Variants in SLC25A6 observed in about 807,000 individuals in gnomAD.
The protein encoded by SLC25A6 is solute carrier family 25 member 6.
A neutral mutation model predicts 25.7 loss-of-function variants in SLC25A6; 9 were observed. The observed-to-expected ratio is 0.35, with a 90% CI of 0.21 to 0.61. The LOEUF (loss-of-function observed/expected upper bound fraction) is 0.61. Among genes scored for constraint, SLC25A6 ranks in the 20% least tolerant of loss-of-function variants. The pLI is 0.76. For synonymous variants in SLC25A6, 223 were observed against 197.0 expected, an observed-to-expected ratio of 1.13 and a Z score of -1.11; for missense variants, 404 against 440.5, an observed-to-expected ratio of 0.92 and a Z score of 0.74.
chrX:1,389,772 C>T, intron 1 of SLC25A6, 45 bp from the exon 2 acceptor site: 1 of 1,594,958 alleles, frequency 6.3e-7, no homozygotes, highest in East Asian at 2.2e-5. Context: ...GGGCCAACCA[C>T]CCAGAAACAT....
Position 1,386,610 on chromosome X carries a change from C to A in SLC25A6, c.889G>T (p.Val297Leu), listed in dbSNP as rs1253604934. The change falls in exon 4 of 4, where the codon GTG becomes TTG. Residue 297 changes from valine to leucine, a missense_variant. Transcript: ENST00000381401. Reference sequence around the variant, plus strand: ...GGAGGAGGCCGCGGCCCTTAGATCACCTTCTTGAGCTCGTCGTACAGGACC... The same window carrying A: ...GGAGGAGGCCGCGGCCCTTAGATCAACTTCTTGAGCTCGTCGTACAGGACC... Reference protein sequence around the residue: ...VLVLYDELKKVI With the variant: ...VLVLYDELKKLI The A allele has an allele frequency of 6.4e-7, 1 of 1,572,144 alleles. No individual in the cohort carries two copies.
rs1158965892 is a variant in SLC25A6, at chrX:1,387,336, A to G, written c.682T>C (p.Ser228Pro). ...QTVTAVAGVV[S>P]YPFDTVRRRM... ...CGCCGCACCGTGTCGAAGGGGTAGG[A>G]CACCACGCCGGCCACGGCCGTCACG... The change falls in exon 3 of 4, where the codon TCC becomes CCC. Residue 228 changes from serine (S) to proline (P), a missense_variant. Physicochemically the swap from Ser to Pro is moderately conservative, Grantham distance 74 (BLOSUM62 -1). Transcript: ENST00000381401. 6.2e-7 allele frequency: 1 copy of G among 1,613,298 alleles called. No individual in the cohort carries two copies. Among genetic ancestry groups the G allele is most frequent in the East Asian group, 2.2e-5 (1 of 44,862 alleles).
Position 1,391,858 on chromosome X carries a change from C to T in SLC25A6, c.111+41G>A, listed in dbSNP as rs746330111. 7.3e-6 allele frequency: 11 copies of T among 1,496,632 alleles called. No individual in the cohort carries two copies. In the East Asian group the frequency reaches 2.2e-4, roughly 29 times the overall value. 92.7% of individuals were successfully genotyped at this position (1,496,632 alleles called of 1,614,324 possible). On this transcript the variant is annotated intron_variant, in intron 1 of 3. Transcript: ENST00000381401. The stretch of plus-strand genomic sequence containing the variant: ...CCCGCCCGACCCGGCCACTCGGTTC[C>T]CGTCCCCTAGTCCCCGGAGCGGCCG...
intron 1 of SLC25A6, among the ~76,000 whole-genome samples, chrX:1,391,605 G>A (rs1349269539): frequency 6.6e-6 from 1 of 152,230 alleles, no homozygotes; most frequent in Admixed American, 6.5e-5. Flanking sequence ...TCAAGGTCAA[G>A]GCCCGCCAGC....
intron 2 of SLC25A6, 102 bp downstream of exon 2, chrX:1,389,139 C>T: frequency 2.2e-6 from 3 of 1,343,800 alleles, no homozygotes; most frequent in South Asian, 1.4e-5. Flanking sequence ...GAGGAACCAG[C>T]CCTGCCCACA....
At position 1,386,467 on chromosome X, in the gene SLC25A6, C is replaced by T; in HGVS notation, c.*135G>A. The T allele has an allele frequency of 8.4e-7, 1 of 1,185,614 alleles. No homozygotes were observed. Among genetic ancestry groups the T allele is most frequent in the South Asian group, 2.1e-5 (1 of 48,502 alleles). 73.4% of individuals were successfully genotyped at this position (1,185,614 alleles called of 1,614,324 possible). A position where few individuals can be genotyped will look rare whatever the true frequency, so the allele number is the denominator to read the frequency against. ...CCCCTTTTCTAGAGCCTTCCCCGGC[C>T]ATCTACAGGCAGGATGCGGCTGGGA... On this transcript the variant is annotated 3_prime_UTR_variant, in exon 4 of 4. Transcript: ENST00000381401.
chrX:1,389,835 G>T (rs1408431169), intron 1 of SLC25A6, 108 bp from the exon 2 acceptor site: 3 of 1,529,294 alleles, frequency 2.0e-6, no homozygotes, highest in Non-Finnish European at 1.8e-6. Context: ...TGTTGCCCAA[G>T]CTGGAGTGCA....
At chrX:1,391,862 C>T (rs772555670) in intron 1 of SLC25A6, 37 bp downstream of exon 1, 20 of 1,505,082 alleles carry the variant, frequency 1.3e-5, no homozygotes, top group Non-Finnish European at 1.6e-5. Context: ...CGGTTCCCGT[C>T]CCCTAGTCCC....
At position 1,387,364 on chromosome X, in the gene SLC25A6, C is replaced by T. The variant is rs756938301; in HGVS notation, c.654G>A (p.Gln218=). The T allele has an allele frequency of 1.2e-6, 2 of 1,613,372 alleles. No homozygotes were observed. Among genetic ancestry groups the T allele is most frequent in the Admixed American group, 3.3e-5 (2 of 60,004 alleles). ...THIVVSWMIA[Q]TVTAVAGVVS... is the part of the protein sequence containing the mutation. Reference sequence around the variant, plus strand: ...CCACGCCGGCCACGGCCGTCACGGTCTGCGCGATCATCCAGCTCACCACGA... The same window carrying T: ...CCACGCCGGCCACGGCCGTCACGGTTTGCGCGATCATCCAGCTCACCACGA... The change falls in exon 3 of 4, where the codon CAG becomes CAA. Residue 218 remains glutamine, a synonymous_variant. Transcript: ENST00000381401.
Position 1,386,429 on chromosome X carries a change from G to C in SLC25A6, c.*173C>G, listed in dbSNP as rs1451145813. On this transcript the variant is annotated 3_prime_UTR_variant, in exon 4 of 4. Transcript: ENST00000381401. ...GACACGGAATCGGCTGCCGATGGTT[G>C]GATCGCAATGCGCCCCTTTTCTAGA... 1 of 828,454 alleles carries C rather than the reference G, an allele frequency of 1.2e-6. No homozygotes were observed. The highest frequency in any genetic ancestry group is 1.7e-6 in the Non-Finnish European group (1 of 573,550). The allele number at this position is 828,454 out of a possible 1,614,324, so 51.3% of individuals were successfully genotyped here.
At chrX:1,390,694 T>C (rs1468620132) in intron 1 of SLC25A6, among the ~76,000 whole-genome samples, 1 of 151,416 alleles carries the variant, frequency 6.6e-6, no homozygotes, top group Non-Finnish European at 1.5e-5. Flanking sequence ...CTGCTAAGTT[T>C]AAAAAATTTT....
chrX:1,392,019 G>A lies in SLC25A6; in HGVS notation c.-10C>T. 6.3e-7 allele frequency: 1 copy of A among 1,594,440 alleles called. No individual in the cohort carries two copies. ...TGGCCTGTTCCGTCATGGTGGCAGGGCGGGCAGCGGAACGGGAGGACAGCC... is the reference window on the plus strand; with the variant it reads ...TGGCCTGTTCCGTCATGGTGGCAGGACGGGCAGCGGAACGGGAGGACAGCC... On this transcript the variant is annotated 5_prime_UTR_variant, in exon 1 of 4. Transcript: ENST00000381401.
rs1228212984 is a variant in SLC25A6, at chrX:1,391,748, G to C, written c.111+151C>G. 17 of 595,932 alleles carry C rather than the reference G, an allele frequency of 2.9e-5. No individual in the cohort carries two copies. In the Admixed American group the frequency reaches 4.8e-4, roughly 17 times the overall value. The allele number at this position is 595,932 out of a possible 1,614,324, so 36.9% of individuals were successfully genotyped here. A position where few individuals can be genotyped will look rare whatever the true frequency, so the allele number is the denominator to read the frequency against. On this transcript the variant is annotated intron_variant, in intron 1 of 3. Coordinates refer to ENST00000381401, the MANE Select transcript of SLC25A6 (RefSeq NM_001636.4). ...CCTGCAGCAGCGGTCACGTGACGCG[G>C]CCCCCGGAAGCCGGCGGCGCGTGGA...
intron 2 of SLC25A6, among the ~76,000 whole-genome samples, chrX:1,388,380 G>A (rs1216994903): frequency 3.3e-5 from 5 of 151,398 alleles, no homozygotes; most frequent in African/African-American, 9.7e-5. Context: ...CACACACAGA[G>A]GGACGACCCT....
At chrX:1,387,019 G>T (rs1430924092) in intron 3 of SLC25A6, among the ~76,000 whole-genome samples, 3 of 152,120 alleles carry the variant, frequency 2.0e-5, no homozygotes, top group Non-Finnish European at 2.9e-5. Flanking sequence ...AGAGAAGGCA[G>T]GATCGAGGGT....
intron 1 of SLC25A6, 115 bp downstream of exon 1, chrX:1,391,784 G>T: frequency 1.4e-6 from 1 of 730,268 alleles, no homozygotes; most frequent in Non-Finnish European, 2.2e-6. Flanking sequence ...CAAAGCGATC[G>T]CGGCCTTCCA....
At position 1,387,480 on chromosome X, in the gene SLC25A6, G is replaced by A. The variant is rs768118251; in HGVS notation, c.599-61C>T. 93 of 1,595,564 alleles carry A rather than the reference G, an allele frequency of 5.8e-5. No homozygotes were observed. In the South Asian group the frequency reaches 9.1e-4, roughly 16 times the overall value. ...TGCACGGCCACCCGAGACCAGGGTCGGCCCCCAGGGTGTGCTCACGGCCCC... is the reference window on the plus strand; with the variant it reads ...TGCACGGCCACCCGAGACCAGGGTCAGCCCCCAGGGTGTGCTCACGGCCCC... On this transcript the variant is annotated intron_variant, in intron 2 of 3. Transcript: ENST00000381401.
rs113634215 is a variant in SLC25A6, at chrX:1,386,568, G to GGTGT, written c.*30_*33dup. On this transcript the variant is annotated 3_prime_UTR_variant, in exon 4 of 4. Coordinates refer to ENST00000381401, the MANE Select transcript of SLC25A6 (RefSeq NM_001636.4). ...TCTACGTGGTTCTCTTGGTTCCCCTGGTGTGTGTGTGTGTGTGGAGGAGGC... is the reference window on the plus strand; with the variant it reads ...TCTACGTGGTTCTCTTGGTTCCCCTGGTGTGTGTGTGTGTGTGTGTGGAGGAGGC... 6.1e-5 allele frequency: 83 copies of GGTGT among 1,358,842 alleles called. No individual in the cohort carries two copies. Among genetic ancestry groups the GGTGT allele is most frequent in the African/African-American group, 3.6e-4 (24 of 66,978 alleles). 84.2% of individuals were successfully genotyped at this position (1,358,842 alleles called of 1,614,324 possible).
At chrX:1,389,782 T>C in intron 1 of SLC25A6, 55 bp from the exon 2 acceptor site, 1 of 1,589,694 alleles carries the variant, frequency 6.3e-7, no homozygotes, top group South Asian at 1.1e-5. Context: ...CCCAGAAACA[T>C]CCCAGCTACA....
Sources: gnomAD v4.1 joint callset for allele counts (sites outside exome capture counted in the v4.1 genomes callset) on GRCh38, gnomAD v4.1.1 for gene constraint, MANE v1.5 for transcripts, NCBI Gene and HGNC (gene_info 2026-07-23, HGNC 2026-07-21) for gene names.